The following TAAR5 variants were observed in gnomAD, a reference collection of about 807,000 sequenced individuals.
TAAR5 encodes the protein trace amine associated receptor 5, also known as trace amine-associated receptor 5.
A neutral mutation model predicts 21.1 loss-of-function variants in TAAR5; 27 were observed. The ratio of observed to expected loss-of-function variants is 1.28; its 90% CI spans 0.94 to 1.76. The LOEUF is 1.76. Among genes scored for constraint, TAAR5 ranks in the 40% most tolerant of loss-of-function variants. The pLI, the probability that TAAR5 is intolerant of heterozygous loss-of-function variation, is 0.00. For missense variants in TAAR5, 495 were observed against 405.6 expected, an observed-to-expected ratio of 1.22 and a Z score of -1.89; for synonymous variants, 203 against 167.5, an observed-to-expected ratio of 1.21 and a Z score of -1.64.
At chr6:132,615,560 T>C in the TAAR5 span, among the ~76,000 whole-genome samples, 1 of 151,974 alleles carries the variant, frequency 6.6e-6, no homozygotes, top group Non-Finnish European at 1.5e-5. Context: ...AGTTTTCACA[T>C]CTGTAACTTA....
At chr6:132,600,885 GA>G in the TAAR5 span, among the ~76,000 whole-genome samples, 84 of 125,812 alleles carry the variant, frequency 6.7e-4, no homozygotes, top group East Asian at 1.4e-3. Flanking sequence ...GGGAAGGAGG[GA>G]AGAAGGGAAG....
chr6:132,611,034 T>G, the TAAR5 span, among the ~76,000 whole-genome samples: 1 of 152,320 alleles, frequency 6.6e-6, no homozygotes, highest in African/African-American at 2.4e-5. Context: ...ATTCTATGAA[T>G]GGTACTTGCA....
chr6:132,601,491 G>C, the TAAR5 span, among the ~76,000 whole-genome samples: 1 of 152,108 alleles, frequency 6.6e-6, no homozygotes, highest in Non-Finnish European at 1.5e-5. Flanking sequence ...CTCAACCACA[G>C]ACAAAGCAGT....
upstream of TAAR5, chr6:132,589,820 C>T: frequency 1.4e-6 from 1 of 711,392 alleles, no homozygotes; most frequent in South Asian, 2.4e-5. Flanking sequence ...GAGGAAGAAA[C>T]TAAAGTACAG....
chr6:132,600,919 AGGAAGGAG>A, the TAAR5 span, among the ~76,000 whole-genome samples: 55 of 73,484 alleles, frequency 7.5e-4, 2 homozygotes, highest in East Asian at 0.014. Flanking sequence ...GAAAGAAGGA[AGGAAGGAG>A]GGAAGGAGGG....
At chr6:132,590,487 T>C (rs1432429379), upstream of TAAR5, among the ~76,000 whole-genome samples, 2 of 152,256 alleles carry the variant, frequency 1.3e-5, no homozygotes, top group Admixed American at 1.3e-4. Flanking sequence ...GTTTCTAAGT[T>C]ACTTACACAG....
chr6:132,610,852 G>A, the TAAR5 span, among the ~76,000 whole-genome samples: 30,281 of 152,072 alleles, frequency 0.2, 3,918 homozygotes, highest in East Asian at 0.49. Context: ...GATGGGAGGT[G>A]TGCAGGGCTA....
In TAAR5 at chr6:132,589,525, A is replaced by G; in HGVS notation, c.162T>C (p.Phe54=). Reference sequence around the variant, plus strand: ...TGAAGTAGGACACAGCAAATGCCACAAATACATTCCCTAGCACGATAATCA... The same window carrying G: ...TGAAGTAGGACACAGCAAATGCCACGAATACATTCCCTAGCACGATAATCA... ...GMLIIVLGNV[F]VAFAVSYFKA... The change falls in exon 1 of 1, where the codon TTT becomes TTC. Residue 54 remains phenylalanine, a synonymous_variant. Transcript: ENST00000258034. 6.2e-7 allele frequency: 1 copy of G among 1,614,070 alleles called. No homozygotes were observed. Among genetic ancestry groups the G allele is most frequent in the Non-Finnish European group, 8.5e-7 (1 of 1,179,986 alleles).
chr6:132,612,820 C>G, the TAAR5 span, among the ~76,000 whole-genome samples: 1 of 152,280 alleles, frequency 6.6e-6, no homozygotes, highest in Non-Finnish European at 1.5e-5. Context: ...TTGCAGAATA[C>G]AGACTTGCAG....
chr6:132,605,071 C>T, the TAAR5 span, among the ~76,000 whole-genome samples: 1 of 152,196 alleles, frequency 6.6e-6, no homozygotes, highest in African/African-American at 2.4e-5. Flanking sequence ...CAGCTGATCT[C>T]CTGCAGGTGC....
Position 132,589,104 on chromosome 6 carries a change from G to A in TAAR5, c.583C>T (p.Leu195=), listed in dbSNP as rs142528485. The part of the protein sequence containing the change: ...EMPCVGSCQL[L]LNKFWGWLNF... ...AACCAGCCCCAAAATTTATTGAGCAGCAGCTGGCAACTGCCCACACAAGGC... is the reference window on the plus strand; with the variant it reads ...AACCAGCCCCAAAATTTATTGAGCAACAGCTGGCAACTGCCCACACAAGGC... The change falls in exon 1 of 1, where the codon CTG becomes TTG. Residue 195 remains leucine (L), a synonymous_variant. Coordinates refer to ENST00000258034, the MANE Select transcript of TAAR5 (RefSeq NM_003967.3). The A allele has an allele frequency of 1.2e-6, 2 of 1,613,824 alleles. No homozygotes were observed. The highest frequency in any genetic ancestry group is 1.7e-6 in the Non-Finnish European group (2 of 1,179,906).
the TAAR5 span, among the ~76,000 whole-genome samples, chr6:132,611,228 A>AT: frequency 1.0e-4 from 15 of 148,624 alleles, no homozygotes; most frequent in Non-Finnish European, 2.2e-4. Flanking sequence ...AAAAAAAAAA[A>AT]GCATTGAACT....
At chr6:132,603,534 C>T in the TAAR5 span, among the ~76,000 whole-genome samples, 1 of 149,744 alleles carries the variant, frequency 6.7e-6, no homozygotes, top group African/African-American at 2.4e-5. Flanking sequence ...ATCAATATCG[C>T]TTGTATTCAT....
the TAAR5 span, among the ~76,000 whole-genome samples, chr6:132,614,592 AG>A: frequency 6.6e-6 from 1 of 152,290 alleles, no homozygotes; most frequent in South Asian, 2.1e-4. Flanking sequence ...TTTCCTGAAA[AG>A]TTAGTTGTGA....
chr6:132,603,663 G>A, the TAAR5 span, among the ~76,000 whole-genome samples: 7,884 of 152,150 alleles, frequency 0.052, 299 homozygotes, highest in African/African-American at 0.11. Flanking sequence ...TTATTAAATA[G>A]TTGATCTAGA....
chr6:132,606,726 T>C, the TAAR5 span, among the ~76,000 whole-genome samples: 3 of 152,198 alleles, frequency 2.0e-5, no homozygotes, highest in African/African-American at 4.8e-5. Context: ...CTTACTGAAT[T>C]ATAATGCCCT....
chr6:132,601,176 C>T, the TAAR5 span, among the ~76,000 whole-genome samples: 1 of 143,626 alleles, frequency 7.0e-6, no homozygotes, highest in South Asian at 2.2e-4. Context: ...AAGGAAGAGA[C>T]AAAGAAAGAA....
At chr6:132,612,680 G>A in the TAAR5 span, among the ~76,000 whole-genome samples, 4 of 152,300 alleles carry the variant, frequency 2.6e-5, no homozygotes, top group South Asian at 6.2e-4. Context: ...ATTAAGGTGT[G>A]AAGATGGGGT....
chr6:132,609,564 A>T, the TAAR5 span, among the ~76,000 whole-genome samples: 5 of 152,164 alleles, frequency 3.3e-5, no homozygotes, highest in Non-Finnish European at 5.9e-5. Flanking sequence ...TCTATCCAAC[A>T]TAGGTTTATC....
Sources: gnomAD v4.1 joint callset for allele counts (sites outside exome capture counted in the v4.1 genomes callset) on GRCh38, gnomAD v4.1.1 for gene constraint, MANE v1.5 for transcripts, NCBI Gene and HGNC (gene_info 2026-07-23, HGNC 2026-07-21) for gene names.